Variants in SGPP2 observed in about 807,000 individuals in gnomAD.
SGPP2 encodes the protein sphingosine-1-phosphate phosphatase 2.
Under a neutral mutation model 33.9 loss-of-function variants are expected in SGPP2, and 30 were observed. The ratio of observed to expected loss-of-function variants is 0.89; its 90% CI spans 0.66 to 1.20. The LOEUF (loss-of-function observed/expected upper bound fraction) is 1.20, where lower values mean the gene tolerates loss of function less well. SGPP2 is among the 50% of genes most tolerant of loss of function. SGPP2 has a pLI of 0.00. For missense variants in SGPP2, 458 were observed against 532.1 expected, an observed-to-expected ratio of 0.86 and a Z score of 1.37; for synonymous variants, 233 against 225.0, an observed-to-expected ratio of 1.04 and a Z score of -0.32.
At chr2:222,541,961 G>GT (rs1246382552) in intron 4 of SGPP2, among the ~76,000 whole-genome samples, 1 of 152,094 alleles carries the variant, frequency 6.6e-6, no homozygotes, top group Non-Finnish European at 1.5e-5. Flanking sequence ...ATAGAGAAAA[G>GT]TAAACAAATT....
At chr2:222,508,815 A>G (rs1297012788) in intron 2 of SGPP2, among the ~76,000 whole-genome samples, 1 of 152,212 alleles carries the variant, frequency 6.6e-6, no homozygotes, top group African/African-American at 2.4e-5. Context: ...ATTATCTTCT[A>G]TGATTTATGG....
At chr2:222,484,417 T>C (rs1442137988) in intron 2 of SGPP2, among the ~76,000 whole-genome samples, 1 of 152,192 alleles carries the variant, frequency 6.6e-6, no homozygotes, top group Non-Finnish European at 1.5e-5. Context: ...GGATGGGTAA[T>C]GGCTTTAAAG....
intron 2 of SGPP2, among the ~76,000 whole-genome samples, chr2:222,501,719 G>A (rs766943459): frequency 2.6e-5 from 4 of 152,174 alleles, no homozygotes; most frequent in Non-Finnish European, 4.4e-5. Context: ...GATACTCTCT[G>A]AGGCTAGATC....
At chr2:222,549,900 G>A (rs1689262572) in intron 4 of SGPP2, among the ~76,000 whole-genome samples, 1 of 143,758 alleles carries the variant, frequency 7.0e-6, no homozygotes, top group Non-Finnish European at 1.5e-5. Context: ...TTTTTTTTGA[G>A]ACAGTCTCAC....
intron 1 of SGPP2, among the ~76,000 whole-genome samples, chr2:222,461,444 G>T (rs1166268237): frequency 1.3e-5 from 2 of 152,048 alleles, no homozygotes; most frequent in African/African-American, 4.8e-5. Context: ...TGGGCAGGTG[G>T]GGGGATGGTT....
chr2:222,454,486 A>G (rs1697540839), intron 1 of SGPP2, among the ~76,000 whole-genome samples: 1 of 152,228 alleles, frequency 6.6e-6, no homozygotes, highest in Non-Finnish European at 1.5e-5. Context: ...ATAAATTCTG[A>G]AGTGGTCTGT....
chr2:222,441,475 AAGC>A (rs556038523), intron 1 of SGPP2, among the ~76,000 whole-genome samples: 21 of 152,348 alleles, frequency 1.4e-4, no homozygotes, highest in Non-Finnish European at 2.6e-4. Flanking sequence ...CAACCAGAAA[AAGC>A]AGATTAAAAA....
chr2:222,497,602 A>G lies in SGPP2; in HGVS notation c.378+22876A>G, dbSNP rs79115747. 6.2e-4 allele frequency among the ~76,000 whole-genome samples: 95 copies of G among 152,256 alleles called. 1 individual carries two copies. The East Asian group carries it at 0.016, about 25-fold the overall frequency. On this transcript the variant is annotated intron_variant, in intron 2 of 4. Coordinates refer to ENST00000321276, the MANE Select transcript of SGPP2 (RefSeq NM_152386.4). ...CAACAACCTTTAAATGTATTTAGTC[A>G]TTTGTTCATTCATTTAACAAACACT...
At chr2:222,428,280 A>C (rs1697101543) in intron 1 of SGPP2, among the ~76,000 whole-genome samples, 1 of 152,226 alleles carries the variant, frequency 6.6e-6, no homozygotes, top group African/African-American at 2.4e-5. Flanking sequence ...TGCCCTGAGC[A>C]GAAGGCAGGA....
At chr2:222,490,047 C>T (rs975740069) in intron 2 of SGPP2, among the ~76,000 whole-genome samples, 10 of 152,300 alleles carry the variant, frequency 6.6e-5, no homozygotes, top group South Asian at 2.1e-4. Flanking sequence ...TTGTTTAAAA[C>T]ATTTCAGCTA....
intron 1 of SGPP2, among the ~76,000 whole-genome samples, chr2:222,427,740 T>C (rs1425451567): frequency 2.0e-5 from 3 of 152,240 alleles, no homozygotes; most frequent in African/African-American, 7.2e-5. Context: ...GAATCTGATT[T>C]ACCTTCTCAC....
chr2:222,467,607 G>A (rs1697765854), intron 1 of SGPP2, among the ~76,000 whole-genome samples: 3 of 152,008 alleles, frequency 2.0e-5, no homozygotes. Context: ...TTCCCTGCTG[G>A]CCAGGTCAGC....
At chr2:222,475,377 A>G (rs1351350387) in intron 2 of SGPP2, among the ~76,000 whole-genome samples, 2 of 151,142 alleles carry the variant, frequency 1.3e-5, no homozygotes, top group Non-Finnish European at 2.9e-5. Flanking sequence ...AGGGTAGATC[A>G]AAGTAGGAGA....
chr2:222,540,687 A>G (rs1029688318), intron 4 of SGPP2, among the ~76,000 whole-genome samples: 3 of 152,134 alleles, frequency 2.0e-5, no homozygotes, highest in Non-Finnish European at 4.4e-5. Flanking sequence ...ATTTATCTGC[A>G]CTTTATTGAG....
chr2:222,512,034 A>G (rs1358630872), intron 2 of SGPP2, among the ~76,000 whole-genome samples: 1 of 133,352 alleles, frequency 7.5e-6, no homozygotes, highest in East Asian at 2.1e-4. Context: ...ATTTATTTTG[A>G]GACAGAGTCT....
At chr2:222,555,491 A>G (rs558811660) in intron 4 of SGPP2, among the ~76,000 whole-genome samples, 3 of 131,488 alleles carry the variant, frequency 2.3e-5, no homozygotes, top group African/African-American at 5.7e-5. Flanking sequence ...TTTATTTTAG[A>G]AAGATTGGTT....
chr2:222,541,468 C>T (rs1194336421), intron 4 of SGPP2, among the ~76,000 whole-genome samples: 1 of 152,118 alleles, frequency 6.6e-6, no homozygotes, highest in African/African-American at 2.4e-5. Flanking sequence ...GGCCTGGTAC[C>T]TAGGTCTTTA....
At chr2:222,435,059 TACAC>T (rs1697219463) in intron 1 of SGPP2, among the ~76,000 whole-genome samples, 31 of 150,914 alleles carry the variant, frequency 2.1e-4, no homozygotes, top group South Asian at 6.3e-4. Flanking sequence ...TACACACATA[TACAC>T]ATATACATAT....
chr2:222,451,643 G>A lies in SGPP2; in HGVS notation c.220-22925G>A, dbSNP rs539937690. On this transcript the variant is annotated intron_variant, in intron 1 of 4. Transcript: ENST00000321276. ...CTTTCCCACTGACCACAGGCTCCCC[G>A]CAGCTTTGTGCCTCGGTTTATAGAT... is the stretch of plus-strand genomic sequence containing the variant. Among the ~76,000 whole-genome samples, 43 of 152,310 alleles carry A rather than the reference G, an allele frequency of 2.8e-4. No homozygotes were observed. The South Asian group carries it at 8.7e-3, about 31-fold the overall frequency.
Sources: gnomAD v4.1 joint callset for allele counts (sites outside exome capture counted in the v4.1 genomes callset) on GRCh38, gnomAD v4.1.1 for gene constraint, MANE v1.5 for transcripts, NCBI Gene and HGNC (gene_info 2026-07-23, HGNC 2026-07-21) for gene names.